Variants in IQCM observed in about 807,000 individuals in gnomAD.
IQCM encodes IQ domain-containing protein M.
A neutral mutation model predicts 57.6 loss-of-function variants in IQCM; 45 were observed. That is an observed-to-expected ratio of 0.78 (90% CI 0.62 to 1.00). The LOEUF is 1.00. Ranked by LOEUF, IQCM falls within the 50% of genes least tolerant of loss-of-function variation. IQCM has a pLI of 0.00. For missense variants in IQCM, 468 were observed against 511.6 expected (o/e 0.91, Z 0.82); for synonymous variants, 148 against 158.9 (o/e 0.93, Z 0.51).
chr4:149,735,053 C>T (rs1561214575), intron 4 of IQCM, among the ~76,000 whole-genome samples: 1 of 152,170 alleles, frequency 6.6e-6, no homozygotes, highest in East Asian at 1.9e-4. Flanking sequence ...TTAGCTTCGA[C>T]TAAACAGCAT....
At chr4:149,466,939 AG>A (rs2149719557) in intron 12 of IQCM, among the ~76,000 whole-genome samples, 1 of 152,294 alleles carries the variant, frequency 6.6e-6, no homozygotes, top group African/African-American at 2.4e-5. Flanking sequence ...TTCTTTTCTA[AG>A]GGCACTAATC....
intron 13 of IQCM, among the ~76,000 whole-genome samples, chr4:149,418,634 T>TA (rs1733917127): frequency 6.6e-6 from 1 of 151,918 alleles, no homozygotes; most frequent in African/African-American, 2.4e-5. Context: ...AGAGATTCAA[T>TA]AAAAAATTAA....
chr4:149,402,746 T>C (rs1732705739), intron 13 of IQCM, among the ~76,000 whole-genome samples: 2 of 151,910 alleles, frequency 1.3e-5, no homozygotes, highest in Non-Finnish European at 2.9e-5. Context: ...GTAGTTGGAG[T>C]ATCCTATGTC....
At chr4:149,448,605 A>G (rs1736759869) in intron 12 of IQCM, among the ~76,000 whole-genome samples, 1 of 151,768 alleles carries the variant, frequency 6.6e-6, no homozygotes, top group Admixed American at 6.6e-5. Context: ...TTAGCCAAAA[A>G]AAGAAGACAA....
intron 2 of IQCM, among the ~76,000 whole-genome samples, chr4:149,777,973 C>A (rs979759171): frequency 3.9e-5 from 6 of 152,158 alleles, no homozygotes; most frequent in African/African-American, 1.4e-4. Flanking sequence ...TTCTCTCTAC[C>A]TTGAAGAACA....
chr4:149,576,280 T>C (rs779259319), intron 9 of IQCM, among the ~76,000 whole-genome samples: 7 of 151,814 alleles, frequency 4.6e-5, no homozygotes, highest in Non-Finnish European at 8.8e-5. Context: ...CAAAAAGTAG[T>C]TTTTTGATCC....
rs541992264 is a variant in IQCM at position 149,718,561 on chromosome 4, G to A, written c.385+14683C>T. 2.8e-4 allele frequency among the ~76,000 whole-genome samples: 42 copies of A among 152,284 alleles called. No individual in the cohort carries two copies. In the South Asian group the frequency reaches 8.5e-3, roughly 31 times the overall value. Reference sequence around the variant, plus strand: ...CTAGAATTGAAATGTACTTTCAGAAGTATACTGTATTAGTTTTATATGCCC... The same window carrying A: ...CTAGAATTGAAATGTACTTTCAGAAATATACTGTATTAGTTTTATATGCCC... On this transcript the variant is annotated intron_variant, in intron 5 of 13. Transcript: ENST00000636793.
At chr4:149,564,597 C>A (rs1750434714) in intron 9 of IQCM, among the ~76,000 whole-genome samples, 1 of 152,088 alleles carries the variant, frequency 6.6e-6, no homozygotes, top group Admixed American at 6.5e-5. Context: ...AATCAGCTGC[C>A]AGTGCAGCTA....
chr4:149,804,508 A>C (rs895755969), intron 2 of IQCM, among the ~76,000 whole-genome samples: 1 of 151,998 alleles, frequency 6.6e-6, no homozygotes, highest in Non-Finnish European at 1.5e-5. Context: ...CAACTGTCTA[A>C]AGAATCTAAG....
intron 12 of IQCM, among the ~76,000 whole-genome samples, chr4:149,543,497 T>C (rs1395849328): frequency 6.7e-6 from 1 of 150,260 alleles, no homozygotes; most frequent in Non-Finnish European, 1.5e-5. Context: ...CTGAGAATGA[T>C]GATTTCCGAT....
At chr4:149,555,277 A>C (rs1749469232) in intron 10 of IQCM, among the ~76,000 whole-genome samples, 1 of 152,130 alleles carries the variant, frequency 6.6e-6, no homozygotes, top group African/African-American at 2.4e-5. Context: ...CATTCCCTAC[A>C]TATGAATCTT....
intron 5 of IQCM, among the ~76,000 whole-genome samples, chr4:149,716,224 G>C (rs1443876474): frequency 6.6e-6 from 1 of 152,206 alleles, no homozygotes; most frequent in Middle Eastern, 3.2e-3. Flanking sequence ...CAACCCCCTT[G>C]GCCTCCGTCC....
intron 7 of IQCM, among the ~76,000 whole-genome samples, chr4:149,630,862 T>C (rs926949044): frequency 5.9e-5 from 9 of 152,192 alleles, no homozygotes; most frequent in African/African-American, 2.2e-4. Context: ...AAACACTTAA[T>C]ATAGCAAGCT....
intron 12 of IQCM, among the ~76,000 whole-genome samples, chr4:149,506,535 T>G (rs916501193): frequency 6.6e-6 from 1 of 152,134 alleles, no homozygotes; most frequent in Non-Finnish European, 1.5e-5. Context: ...TTTAGGGTGC[T>G]TGGCAGAAGG....
chr4:149,651,024 A>G (rs1466665327), intron 7 of IQCM, among the ~76,000 whole-genome samples: 9 of 152,204 alleles, frequency 5.9e-5, no homozygotes, highest in Non-Finnish European at 1.2e-4. Context: ...TCAGGAATTC[A>G]CATTCCTTAC....
At chr4:149,763,374 T>C (rs1399359435) in intron 2 of IQCM, among the ~76,000 whole-genome samples, 3 of 152,016 alleles carry the variant, frequency 2.0e-5, no homozygotes, top group Non-Finnish European at 4.4e-5. Flanking sequence ...CATGTTGAAT[T>C]GAGGATATAC....
In IQCM at chr4:149,568,085, A is replaced by C. The variant is rs138455879; in HGVS notation, c.750-4195T>G. 5.9e-5 allele frequency among the ~76,000 whole-genome samples: 9 copies of C among 152,236 alleles called. No individual in the cohort carries two copies. The East Asian group carries it at 1.7e-3, about 30-fold the overall frequency. The stretch of plus-strand genomic sequence containing the variant: ...CTGGGGCTATAAAAGACCTCATGCC[A>C]CTGCTGCTCTTTGGAGCTCAATGAC... On this transcript the variant is annotated intron_variant, in intron 9 of 13. Transcript: ENST00000636793.
At chr4:149,401,244 T>C (rs1732599993) in intron 13 of IQCM, among the ~76,000 whole-genome samples, 1 of 151,782 alleles carries the variant, frequency 6.6e-6, no homozygotes, top group South Asian at 2.1e-4. Flanking sequence ...ATTCACAGTA[T>C]TCAAATTAAT....
chr4:149,616,857 C>G (rs1446017527), intron 8 of IQCM, among the ~76,000 whole-genome samples: 3 of 151,864 alleles, frequency 2.0e-5, no homozygotes, highest in African/African-American at 2.4e-5. Context: ...ACCTATGTAA[C>G]AAACCCAAAC....
Sources: gnomAD v4.1 joint callset for allele counts (sites outside exome capture counted in the v4.1 genomes callset) on GRCh38, gnomAD v4.1.1 for gene constraint, MANE v1.5 for transcripts, NCBI Gene and HGNC (gene_info 2026-07-23, HGNC 2026-07-21) for gene names.